Variants in SLC13A1 observed in about 807,000 individuals in gnomAD.
SLC13A1 encodes the protein Na(+)/sulfate cotransporter.
SLC13A1 carries 65 observed loss-of-function variants against 70.0 expected under a neutral mutation model. The ratio of observed to expected loss-of-function variants is 0.93; its 90% CI spans 0.76 to 1.14. SLC13A1 has a LOEUF of 1.14. Among genes scored for constraint, SLC13A1 ranks in the 50% most tolerant of loss-of-function variants. SLC13A1 has a pLI of 0.00. For missense variants in SLC13A1, 726 were observed against 717.8 expected, an observed-to-expected ratio of 1.01 and a Z score of -0.13; for synonymous variants, 275 against 250.5, an observed-to-expected ratio of 1.10 and a Z score of -0.92.
chr7:123,162,035 T>TC (rs1794930023), intron 6 of SLC13A1, among the ~76,000 whole-genome samples: 1 of 151,960 alleles, frequency 6.6e-6, no homozygotes, highest in South Asian at 2.1e-4. Context: ...TCTTTTTTTT[T>TC]TTTTTTTAGA....
At chr7:123,195,445 C>T (rs1796146782) in intron 1 of SLC13A1, among the ~76,000 whole-genome samples, 1 of 151,858 alleles carries the variant, frequency 6.6e-6, no homozygotes, top group South Asian at 2.1e-4. Flanking sequence ...CCTCTTCTTT[C>T]ACTTATAGTC....
At chr7:123,174,374 A>G (rs1795378686) in intron 2 of SLC13A1, among the ~76,000 whole-genome samples, 2 of 152,046 alleles carry the variant, frequency 1.3e-5, no homozygotes, top group African/African-American at 4.8e-5. Context: ...TCCTTCAAAC[A>G]CATTCTCCCT....
rs1188599710 is a variant in SLC13A1 at position 123,113,632 on chromosome 7, T to C, written c.*1886A>G. 6.6e-6 allele frequency: 1 copy of C among 152,010 alleles called. No homozygotes were observed. Among genetic ancestry groups the C allele is most frequent in the African/African-American group, 2.4e-5 (1 of 41,380 alleles). The allele number at this position is 152,010 out of a possible 1,614,324, so 9.4% of individuals were successfully genotyped here. ...TTGAATGACTAGAAAAAAGCAGAAA[T>C]GTAATAAATACTACAGATTATAAAT... On this transcript the variant is annotated 3_prime_UTR_variant, in exon 15 of 15. Transcript: ENST00000194130.
chr7:123,130,801 C>G (rs1229293482), intron 8 of SLC13A1, among the ~76,000 whole-genome samples: 1 of 152,120 alleles, frequency 6.6e-6, no homozygotes, highest in African/African-American at 2.4e-5. Context: ...GCACCCACAA[C>G]ATAATTTTCC....
intron 7 of SLC13A1, among the ~76,000 whole-genome samples, chr7:123,143,366 T>C (rs968925923): frequency 6.6e-6 from 1 of 152,128 alleles, no homozygotes; most frequent in Non-Finnish European, 1.5e-5. Flanking sequence ...CCCAGAACAC[T>C]TTAGCCCGCA....
intron 7 of SLC13A1, among the ~76,000 whole-genome samples, chr7:123,144,948 A>G (rs1794298811): frequency 6.6e-6 from 1 of 152,224 alleles, no homozygotes; most frequent in Non-Finnish European, 1.5e-5. Flanking sequence ...TATAGATACT[A>G]TAATTGCACA....
chr7:123,173,486 G>A (rs890259196), intron 2 of SLC13A1, among the ~76,000 whole-genome samples: 17 of 152,008 alleles, frequency 1.1e-4, no homozygotes, highest in African/African-American at 4.1e-4. Flanking sequence ...TATTATAGGA[G>A]CAGAGTATAT....
chr7:123,121,927 C>T (rs1793394543), intron 12 of SLC13A1, among the ~76,000 whole-genome samples: 2 of 152,206 alleles, frequency 1.3e-5, no homozygotes, highest in African/African-American at 4.8e-5. Flanking sequence ...TCAATCTGGG[C>T]ACTTAGAGGT....
chr7:123,147,349 C>G, intron 6 of SLC13A1, 39 bp from the exon 7 acceptor site: 1 of 1,603,910 alleles, frequency 6.2e-7, no homozygotes, highest in Non-Finnish European at 8.5e-7. Flanking sequence ...GAGAACTGCT[C>G]TATATTTGTT....
intron 1 of SLC13A1, among the ~76,000 whole-genome samples, chr7:123,192,900 T>C (rs1352040272): frequency 1.3e-5 from 2 of 152,120 alleles, no homozygotes; most frequent in Non-Finnish European, 2.9e-5. Flanking sequence ...AATAACTAGA[T>C]GTTTTTTCTT....
rs1296576970 is a variant in SLC13A1 at position 123,120,207 on chromosome 7, T to G, written c.1351-965A>C. Among the ~76,000 whole-genome samples the G allele has an allele frequency of 2.6e-5, 4 of 152,056 alleles. No individual in the cohort carries two copies. In the East Asian group the frequency reaches 5.8e-4, roughly 22 times the overall value. On this transcript the variant is annotated intron_variant, in intron 12 of 14. Transcript: ENST00000194130. ...GACGTTCCTTCTCCTCCCCACTTTG[T>G]GGGAATCATTTTTTAATCTACTCTT...
At chr7:123,117,201 C>T (rs962240531) in intron 14 of SLC13A1, among the ~76,000 whole-genome samples, 3 of 152,100 alleles carry the variant, frequency 2.0e-5, no homozygotes, top group East Asian at 1.9e-4. Context: ...TCGTGTGGAG[C>T]ATGTTCAGTG....
At position 123,115,516 on chromosome 7, in the gene SLC13A1, T is replaced by C; in HGVS notation, c.*2A>G. The stretch of plus-strand genomic sequence containing the variant: ...GCAAGATAGTCAGAAATTTTGTGCT[T>C]ATTATGGCATGGTCTCATTACTCAT... On this transcript the variant is annotated 3_prime_UTR_variant, in exon 15 of 15. Coordinates refer to ENST00000194130, the MANE Select transcript of SLC13A1 (RefSeq NM_022444.4). 1 of 1,605,892 alleles carries C rather than the reference T, an allele frequency of 6.2e-7. No individual in the cohort carries two copies. Among genetic ancestry groups the C allele is most frequent in the Non-Finnish European group, 8.5e-7 (1 of 1,174,940 alleles).
chr7:123,136,599 T>G (rs1793956134), intron 7 of SLC13A1, among the ~76,000 whole-genome samples: 1 of 152,132 alleles, frequency 6.6e-6, no homozygotes, highest in African/African-American at 2.4e-5. Context: ...TACCTAACAC[T>G]GTTTGGTATC....
chr7:123,188,501 A>G (rs936020854), intron 1 of SLC13A1, among the ~76,000 whole-genome samples: 2 of 152,094 alleles, frequency 1.3e-5, no homozygotes, highest in Non-Finnish European at 2.9e-5. Context: ...CTTCTTATTT[A>G]ATTTCCATGT....
At chr7:123,165,276 T>C (rs772738628) in intron 6 of SLC13A1, among the ~76,000 whole-genome samples, 2 of 152,168 alleles carry the variant, frequency 1.3e-5, no homozygotes, top group Non-Finnish European at 2.9e-5. Flanking sequence ...ATTCCTGTTT[T>C]TATATAAAGC....
chr7:123,161,337 A>T (rs1794889941), intron 6 of SLC13A1, among the ~76,000 whole-genome samples: 1 of 151,806 alleles, frequency 6.6e-6, no homozygotes, highest in Admixed American at 6.6e-5. Flanking sequence ...ATAAAGACAT[A>T]TAACTATAAA....
At chr7:123,138,625 G>A (rs528395711) in intron 7 of SLC13A1, among the ~76,000 whole-genome samples, 2 of 152,200 alleles carry the variant, frequency 1.3e-5, no homozygotes, top group African/African-American at 4.8e-5. Context: ...CCTGGGGTGA[G>A]ATGATATCTC....
rs201644707 is a variant in SLC13A1, at chr7:123,127,838, ATTTTTTT to A, written c.1133+1000_1133+1006del. ...ATTTTGGTTTCTACCCCAAAATACA[ATTTTTTT>A]TTTTTTTTTTTTTTTTTTTTTGCTG... On this transcript the variant is annotated intron_variant, in intron 10 of 14. Coordinates refer to ENST00000194130, the MANE Select transcript of SLC13A1 (RefSeq NM_022444.4). Among the ~76,000 whole-genome samples the A allele has an allele frequency of 9.2e-4, 98 of 106,782 alleles. 2 individuals carry two copies. Among genetic ancestry groups the A allele is most frequent in the African/African-American group, 1.5e-3 (39 of 25,188 alleles). 70.1% of individuals were successfully genotyped at this position (106,782 alleles called of 152,430 possible).
Sources: allele counts gnomAD v4.1 joint callset (sites outside exome capture counted in the v4.1 genomes callset), GRCh38; gene constraint gnomAD v4.1.1; transcripts MANE v1.5; gene names NCBI Gene and HGNC (gene_info 2026-07-23, HGNC 2026-07-21).